SAYSD1: variants seen among roughly 807,000 people sequenced by gnomAD.
SAYSD1 encodes the protein SAYSVFN motif domain containing 1, also known as SAYSvFN domain-containing protein 1.
In SAYSD1, 15 loss-of-function variants were observed where a neutral mutation model predicts 14.5. The observed-to-expected ratio is 1.03, with a 90% CI of 0.69 to 1.59. The LOEUF is 1.59. Among genes scored for constraint, SAYSD1 ranks in the 40% most tolerant of loss-of-function variants. SAYSD1 has a pLI of 0.00. For synonymous variants in SAYSD1, 105 were observed against 102.6 expected, an observed-to-expected ratio of 1.02 and a Z score of -0.14; for missense variants, 247 against 227.3, an observed-to-expected ratio of 1.09 and a Z score of -0.56.
rs774311980 is a variant in SAYSD1, at chr6:39,115,141, G to T, written c.-52C>A. On this transcript the variant is annotated 5_prime_UTR_variant, in exon 1 of 2. Transcript: ENST00000229903. ...ATAAGGGAGCGCGCGCCCGCAGGCC[G>T]CACAGCAGTTGCCTCCGCTCGGCCC... The T allele has an allele frequency of 5.8e-5, 89 of 1,530,468 alleles. No homozygotes were observed. The highest frequency in any genetic ancestry group is 7.1e-5 in the Non-Finnish European group (81 of 1,139,908). 94.8% of individuals were successfully genotyped at this position (1,530,468 alleles called of 1,614,324 possible).
chr6:39,107,455 A>T (rs373556369), intron 1 of SAYSD1, among the ~76,000 whole-genome samples: 3 of 152,196 alleles, frequency 2.0e-5, no homozygotes, highest in Non-Finnish European at 4.4e-5. Flanking sequence ...AGTACCAGGA[A>T]GCCACGTGTC....
At chr6:39,114,844 C>G (rs1769706839) in intron 1 of SAYSD1, 39 bp downstream of exon 1, 5 of 1,590,698 alleles carry the variant, frequency 3.1e-6, no homozygotes, top group Non-Finnish European at 4.3e-6. Flanking sequence ...ACTGTGGCTC[C>G]GAGGCCAGGT....
intron 1 of SAYSD1, among the ~76,000 whole-genome samples, chr6:39,109,831 A>G (rs1489457275): frequency 6.6e-6 from 1 of 152,176 alleles, no homozygotes; most frequent in Non-Finnish European, 1.5e-5. Context: ...TTATCCCTTC[A>G]GCTGTGGGTG....
chr6:39,111,808 T>G (rs528722282), intron 1 of SAYSD1: 1 of 152,230 alleles, frequency 6.6e-6, no homozygotes, highest in South Asian at 2.1e-4. Context: ...ATAAGAAATA[T>G]GAAAACTGAG....
intron 1 of SAYSD1, among the ~76,000 whole-genome samples, chr6:39,113,968 A>C (rs1389687859): frequency 6.6e-6 from 1 of 152,236 alleles, no homozygotes; most frequent in Non-Finnish European, 1.5e-5. Context: ...AATTCCCTCA[A>C]ATCAAATGTT....
chr6:39,104,140 C>T lies in SAYSD1; in HGVS notation c.*1292G>A, dbSNP rs1029114937. ...ATACTTTTTACATGTTCAGTTCAGA[C>T]AGAACTCATGGAAGAAAAGACTTTT... On this transcript the variant is annotated 3_prime_UTR_variant, in exon 2 of 2. Coordinates refer to ENST00000229903, the MANE Select transcript of SAYSD1 (RefSeq NM_018322.3). 1.3e-5 allele frequency: 2 copies of T among 151,990 alleles called. No individual in the cohort carries two copies. The highest frequency in any genetic ancestry group is 4.8e-5 in the African/African-American group (2 of 41,304). The allele number at this position is 151,990 out of a possible 1,614,324, so 9.4% of individuals were successfully genotyped here. A position where few individuals can be genotyped will look rare whatever the true frequency, so the allele number is the denominator to read the frequency against.
Position 39,105,288 on chromosome 6 carries a change from A to T in SAYSD1, c.*144T>A. The T allele has an allele frequency of 1.5e-6, 1 of 662,990 alleles. No individual in the cohort carries two copies. Among genetic ancestry groups the T allele is most frequent in the South Asian group, 1.9e-5 (1 of 52,246 alleles). The allele number at this position is 662,990 out of a possible 1,614,324, so 41.1% of individuals were successfully genotyped here. On this transcript the variant is annotated 3_prime_UTR_variant, in exon 2 of 2. Transcript: ENST00000229903. The stretch of plus-strand genomic sequence containing the variant: ...ATCAAAGATCAAATGGCAGCAAAAG[A>T]TCAGGGAAAGAAGGTAGAAAAACTA...
At chr6:39,106,176 C>T (rs1275939336) in intron 1 of SAYSD1, among the ~76,000 whole-genome samples, 1 of 152,006 alleles carries the variant, frequency 6.6e-6, no homozygotes, top group Non-Finnish European at 1.5e-5. Flanking sequence ...GATTAGATGA[C>T]CTAAAATATT....
In SAYSD1 at chr6:39,114,966, T is replaced by A; in HGVS notation, c.124A>T (p.Lys42Ter). Residue 42 changes from lysine to a stop codon, truncating the protein, a stop_gained, in exon 1 of 2, where the codon AAG becomes TAG. Coordinates refer to ENST00000229903, the MANE Select transcript of SAYSD1 (RefSeq NM_018322.3). LOFTEE classifies it high-confidence loss of function. ...CGCTTTAGCCAGCCTGGGGCTGCCT[T>A]TAGAGTCGCTGCTGCTTCCGCCTTC... ...GEKAEAAATLKAAPGWLKRFL... is the reference protein window; with the variant it reads ...GEKAEAAATL 6.2e-7 allele frequency: 1 copy of A among 1,613,874 alleles called. No homozygotes were observed. The highest frequency in any genetic ancestry group is 1.7e-5 in the Admixed American group (1 of 60,034).
chr6:39,105,929 A>G (rs140377553), intron 1 of SAYSD1, among the ~76,000 whole-genome samples, 153 bp from the exon 2 acceptor site: 247 of 152,336 alleles, frequency 1.6e-3, no homozygotes, highest in African/African-American at 5.7e-3. Flanking sequence ...AATCATCTCC[A>G]AAGAACCTAT....
At chr6:39,108,449 C>T (rs994952194) in intron 1 of SAYSD1, among the ~76,000 whole-genome samples, 13 of 151,896 alleles carry the variant, frequency 8.6e-5, no homozygotes, top group Admixed American at 8.5e-4. Flanking sequence ...AACAAACTGA[C>T]GAAGGGAACA....
At chr6:39,106,151 T>C (rs865808403) in intron 1 of SAYSD1, among the ~76,000 whole-genome samples, 1 of 152,182 alleles carries the variant, frequency 6.6e-6, no homozygotes, top group Admixed American at 6.5e-5. Context: ...AGAGTCAATA[T>C]ACCTTTGTTG....
In SAYSD1 at chr6:39,114,945, T is replaced by A. The variant is rs746866761; in HGVS notation, c.145A>T (p.Lys49Ter). 6.2e-6 allele frequency: 10 copies of A among 1,613,712 alleles called. No homozygotes were observed. The highest frequency in any genetic ancestry group is 8.5e-6 in the Non-Finnish European group (10 of 1,179,920). The stretch of plus-strand genomic sequence containing the variant: ...CTAGGTTTCCATACCAGGAACCGCT[T>A]TAGCCAGCCTGGGGCTGCCTTTAGA... ...ATLKAAPGWL[K>*]RFLVWKPRPA... is the part of the protein sequence containing the mutation. Residue 49 changes from lysine to a stop codon, truncating the protein, a stop_gained, in exon 1 of 2, where the codon AAG (lysine) becomes TAG (stop). Transcript: ENST00000229903. LOFTEE classifies it high-confidence loss of function.
At chr6:39,109,264 A>G (rs1373844635) in intron 1 of SAYSD1, 1 of 1,512,636 alleles carries the variant, frequency 6.6e-7, no homozygotes, top group African/African-American at 1.4e-5. Flanking sequence ...TGCCTGGGAT[A>G]TGGCTGGAGA....
At chr6:39,109,488 C>T in intron 1 of SAYSD1, 1 of 1,495,672 alleles carries the variant, frequency 6.7e-7, no homozygotes. Flanking sequence ...GGGGCAGAGG[C>T]ATCATTGCAG....
In SAYSD1 at chr6:39,105,629, G is replaced by C; in HGVS notation, c.355C>G (p.Leu119Val). The change falls in exon 2 of 2, where the codon CTG becomes GTG. Residue 119 changes from leucine (L) to valine (V), a missense_variant. Coordinates refer to ENST00000229903, the MANE Select transcript of SAYSD1 (RefSeq NM_018322.3). ...WLVLLGLFVE[L>V]EFGLAYFVLS... ...ACAAAATATGCCAGGCCAAATTCCA[G>C]TTCCACAAACAGTCCCAGCAGGACC... The C allele has an allele frequency of 6.2e-7, 1 of 1,614,108 alleles. No homozygotes were observed. The highest frequency in any genetic ancestry group is 8.5e-7 in the Non-Finnish European group (1 of 1,180,014).
At chr6:39,110,433 C>T (rs61995672) in intron 1 of SAYSD1, 3 of 172,926 alleles carry the variant, frequency 1.7e-5, no homozygotes, top group African/African-American at 7.1e-5. Context: ...AACAGGATGC[C>T]TTTGATGAAG....
intron 1 of SAYSD1, 61 bp from the exon 2 acceptor site, chr6:39,105,837 C>G: frequency 1.3e-6 from 2 of 1,496,910 alleles, no homozygotes; most frequent in Non-Finnish European, 1.8e-6. Context: ...ATGATCAAAA[C>G]TAATCTGAAA....
At position 39,115,024 on chromosome 6, in the gene SAYSD1, AG is replaced by A. The variant is rs1189336174; in HGVS notation, c.65del (p.Pro22LeufsTer20). 1.9e-6 allele frequency: 3 copies of A among 1,612,948 alleles called. No homozygotes were observed. The African/African-American group carries it at 4.0e-5, about 22-fold the overall frequency. ...GGGTTTGTGCGCCCTGACTGGCAGC[AG>A]GGGGTTGGGCCGCCAGACCCGCCCG... is the stretch of plus-strand genomic sequence containing the variant. ...RKRAGLAAQP[P>X]AASQGAQTPG... On this transcript the variant is annotated frameshift_variant, in exon 1 of 2. Transcript: ENST00000229903. LOFTEE classifies it high-confidence loss of function.
Sources: gnomAD v4.1 joint callset for allele counts (sites outside exome capture counted in the v4.1 genomes callset) on GRCh38, gnomAD v4.1.1 for gene constraint, MANE v1.5 for transcripts, NCBI Gene and HGNC (gene_info 2026-07-23, HGNC 2026-07-21) for gene names.